The following CHRM3 variants were observed in gnomAD, a reference collection of about 807,000 sequenced individuals.
CHRM3 encodes the protein muscarinic acetylcholine receptor M3.
A neutral mutation model predicts 41.8 loss-of-function variants in CHRM3; 11 were observed. The ratio of observed to expected loss-of-function variants is 0.26; its 90% CI spans 0.17 to 0.44. The LOEUF (loss-of-function observed/expected upper bound fraction) is 0.44, where lower values mean the gene tolerates loss of function less well. Among genes scored for constraint, CHRM3 ranks in the 20% least tolerant of loss-of-function variants. The pLI is 1.00. For missense variants in CHRM3, 571 were observed against 745.4 expected, an observed-to-expected ratio of 0.77 and a Z score of 2.72; for synonymous variants, 297 against 301.4, an observed-to-expected ratio of 0.99 and a Z score of 0.15.
In CHRM3 at chr1:239,908,383, G is replaced by A; in HGVS notation, c.932G>A (p.Cys311Tyr). 2 of 1,614,032 alleles carry A rather than the reference G, an allele frequency of 1.2e-6. No individual in the cohort carries two copies. The highest frequency in any genetic ancestry group is 1.7e-6 in the Non-Finnish European group (2 of 1,180,016). ...KRSNRRKYGR[C>Y]HFWFTTKSWK... ...TCCAACAGGAGGAAGTATGGCCGCT[G>A]CCACTTCTGGTTCACAACCAAGAGC... The change falls in exon 7 of 7, where the codon TGC becomes TAC. Residue 311 changes from cysteine to tyrosine, a missense_variant. This residue lies in a region of CHRM3 where 239 missense variants were observed against 239.6 expected (regional missense o/e 1.00). Transcript: ENST00000676153. This position sits in a 1 kb window ranked among gnomAD's most constrained non-coding sequence, Gnocchi z 7.2.
chr1:239,740,338 TTC>T lies in CHRM3; in HGVS notation c.-147+62052_-147+62053del, dbSNP rs958305538. Among the ~76,000 whole-genome samples, 201 of 152,116 alleles carry T rather than the reference TTC, an allele frequency of 1.3e-3. 3 individuals are homozygous for T. Among genetic ancestry groups the T allele is most frequent in the African/African-American group, 4.7e-3 (195 of 41,404 alleles). On this transcript the variant is annotated intron_variant, in intron 5 of 6. Transcript: ENST00000676153. The stretch of plus-strand genomic sequence containing the variant: ...GCATAAAATTTGGAAGAAAAATTGT[TTC>T]TTTTTTTTTTCTCACTATTGTTTAC...
At chr1:239,629,970 C>T (rs1028923435) in intron 3 of CHRM3, among the ~76,000 whole-genome samples, 3 of 152,132 alleles carry the variant, frequency 2.0e-5, no homozygotes, top group African/African-American at 7.2e-5. Context: ...AGATTTGAAC[C>T]TCATCTCTAA....
intron 4 of CHRM3, among the ~76,000 whole-genome samples, chr1:239,639,325 A>G (rs1391972387): frequency 6.6e-6 from 1 of 152,300 alleles, no homozygotes; most frequent in African/African-American, 2.4e-5. Flanking sequence ...CTTGATAGGG[A>G]TGGCATTGAA....
intron 2 of CHRM3, among the ~76,000 whole-genome samples, chr1:239,511,169 G>A (rs1404986683): frequency 2.0e-5 from 3 of 152,172 alleles, no homozygotes; most frequent in African/African-American, 2.4e-5. Context: ...AGTATTAATC[G>A]AATTGATTGC....
At chr1:239,430,257 C>T (rs1335575924) in intron 1 of CHRM3, among the ~76,000 whole-genome samples, 1 of 151,802 alleles carries the variant, frequency 6.6e-6, no homozygotes, top group Non-Finnish European at 1.5e-5. Context: ...TGAGCCACCA[C>T]ACCCAGCCCC....
intron 5 of CHRM3, among the ~76,000 whole-genome samples, chr1:239,736,558 A>T (rs1664411354): frequency 6.6e-6 from 1 of 152,100 alleles, no homozygotes; most frequent in Admixed American, 6.6e-5. Flanking sequence ...AGGATGTATT[A>T]TCGGATGTTG....
intron 5 of CHRM3, among the ~76,000 whole-genome samples, chr1:239,699,981 T>C (rs757855949): frequency 6.6e-6 from 1 of 152,202 alleles, no homozygotes; most frequent in East Asian, 1.9e-4. Flanking sequence ...GTCTTAATTT[T>C]CATTCTATTC....
chr1:239,717,686 T>C (rs1662524381), intron 5 of CHRM3, among the ~76,000 whole-genome samples: 1 of 152,022 alleles, frequency 6.6e-6, no homozygotes, highest in South Asian at 2.1e-4. Context: ...TCTTTTATGC[T>C]ACCTGTCATT....
intron 3 of CHRM3, among the ~76,000 whole-genome samples, chr1:239,610,293 A>C (rs1291958513): frequency 1.2e-4 from 19 of 152,008 alleles, no homozygotes; most frequent in Non-Finnish European, 4.4e-5. Flanking sequence ...ACTATCCTTT[A>C]AAATTAATCT....
In CHRM3 at chr1:239,429,259, C is replaced by T. The variant is rs369558698; in HGVS notation, c.-521+42032C>T. The stretch of plus-strand genomic sequence containing the variant: ...TGAAAATCTAGTAATTTTTATTTTT[C>T]CGCCTGTCAAATGAATATAGTGGTA... On this transcript the variant is annotated intron_variant, in intron 1 of 6. Transcript: ENST00000676153. 2.0e-5 allele frequency among the ~76,000 whole-genome samples: 3 copies of T among 152,036 alleles called. No individual in the cohort carries two copies. The South Asian group carries it at 6.2e-4, about 32-fold the overall frequency.
intron 1 of CHRM3, among the ~76,000 whole-genome samples, chr1:239,487,555 A>G (rs1442090372): frequency 1.3e-5 from 2 of 152,142 alleles, no homozygotes; most frequent in Non-Finnish European, 2.9e-5. Context: ...TCACTGTGAG[A>G]TTAAAAAAAT....
At chr1:239,771,653 AT>A (rs1338104311) in intron 5 of CHRM3, among the ~76,000 whole-genome samples, 1 of 152,222 alleles carries the variant, frequency 6.6e-6, no homozygotes, top group Non-Finnish European at 1.5e-5. Flanking sequence ...GGCAGATAGT[AT>A]TATAATATAT....
chr1:239,691,217 G>A lies in CHRM3; in HGVS notation c.-147+12929G>A, dbSNP rs1659684862. Among the ~76,000 whole-genome samples, 4 of 152,188 alleles carry A rather than the reference G, an allele frequency of 2.6e-5. No homozygotes were observed. In the East Asian group the frequency reaches 7.8e-4, roughly 30 times the overall value. ...TTCAAGGGCAAATTTAAGATTTTCA[G>A]GAAGCAGCTGGCTTTTATTTGAAAC... On this transcript the variant is annotated intron_variant, in intron 5 of 6. Transcript: ENST00000676153.
At chr1:239,545,471 A>C (rs1013306427) in intron 2 of CHRM3, among the ~76,000 whole-genome samples, 170 bp from the exon 3 acceptor site, 6 of 152,188 alleles carry the variant, frequency 3.9e-5, no homozygotes, top group Admixed American at 3.3e-4. Flanking sequence ...AAGCTAATGA[A>C]ATAAAAACAG....
At chr1:239,483,036 G>T (rs1436433215) in intron 1 of CHRM3, among the ~76,000 whole-genome samples, 2 of 152,088 alleles carry the variant, frequency 1.3e-5, no homozygotes, top group Admixed American at 1.3e-4. Context: ...TGAATCAAAT[G>T]GATCTCTTTA....
intron 1 of CHRM3, among the ~76,000 whole-genome samples, chr1:239,442,354 G>T (rs951309182): frequency 2.0e-5 from 3 of 151,906 alleles, no homozygotes; most frequent in Non-Finnish European, 4.4e-5. Flanking sequence ...CAATCCACCC[G>T]TCTCAGCCTC....
At chr1:239,405,923 A>G (rs1369843463) in intron 1 of CHRM3, among the ~76,000 whole-genome samples, 1 of 151,916 alleles carries the variant, frequency 6.6e-6, no homozygotes, top group Non-Finnish European at 1.5e-5. Flanking sequence ...TCACTCTATC[A>G]TCAGGCTGGA....
chr1:239,444,980 A>G (rs570249872), intron 1 of CHRM3, among the ~76,000 whole-genome samples: 77 of 152,368 alleles, frequency 5.1e-4, no homozygotes, highest in African/African-American at 1.8e-3. Flanking sequence ...CAGCAGATCA[A>G]CAGGTGGTAG....
intron 5 of CHRM3, among the ~76,000 whole-genome samples, chr1:239,734,138 CACTT>C (rs1664206303): frequency 6.6e-6 from 1 of 152,044 alleles, no homozygotes; most frequent in Non-Finnish European, 1.5e-5. Context: ...TAGCAATGAG[CACTT>C]ACTTCAAGCA....
Sources: gnomAD v4.1 joint callset for allele counts (sites outside exome capture counted in the v4.1 genomes callset) on GRCh38, gnomAD v4.1.1 for gene constraint, gnomAD v4.1.1 regional missense constraint, Gnocchi (gnomAD v3.1) non-coding constraint, MANE v1.5 for transcripts, NCBI Gene and HGNC (gene_info 2026-07-23, HGNC 2026-07-21) for gene names.